Variants in TMEM144 observed in about 807,000 individuals in gnomAD.
TMEM144 encodes transmembrane protein 144.
TMEM144 carries 39 observed loss-of-function variants against 43.6 expected under a neutral mutation model. The ratio of observed to expected loss-of-function variants is 0.90; its 90% CI spans 0.69 to 1.17. TMEM144 has a LOEUF of 1.17. TMEM144 is among the 50% of genes most tolerant of loss of function. The pLI is 0.00. For synonymous variants in TMEM144, 154 were observed against 133.6 expected (o/e 1.15, Z -1.06); for missense variants, 417 against 411.9 (o/e 1.01, Z -0.11).
chr4:158,240,121 G>A (rs1735553377), intron 9 of TMEM144, among the ~76,000 whole-genome samples, 178 bp from the exon 10 acceptor site: 1 of 152,040 alleles, frequency 6.6e-6, no homozygotes, highest in Non-Finnish European at 1.5e-5. Flanking sequence ...TCCTGACCTC[G>A]TGATCCACCC....
chr4:158,246,134 T>C (rs1180501583), intron 12 of TMEM144, among the ~76,000 whole-genome samples: 1 of 152,150 alleles, frequency 6.6e-6, no homozygotes, highest in Non-Finnish European at 1.5e-5. Context: ...TGTTTAATCT[T>C]TTTTTAAAAA....
rs761614306 is a variant in TMEM144, at chr4:158,217,385, A to T, written c.297A>T (p.Gly99=). The T allele has an allele frequency of 7.2e-5, 116 of 1,613,288 alleles. 1 individual carries two copies. Among genetic ancestry groups the T allele is most frequent in the Middle Eastern group, 5.0e-4 (3 of 6,054 alleles). ...IGLGLGILIW[G]SFNALTGWAS... ...TAGGCCTTGGAATCTTAATCTGGGG[A>T]TCATTTAATGCCTTAACTGGCTGGG... is the stretch of plus-strand genomic sequence containing the variant. Residue 99 remains glycine, a synonymous_variant, in exon 5 of 13, where the codon GGA becomes GGT. Transcript: ENST00000296529.
At chr4:158,248,742 C>G (rs1736019014) in intron 12 of TMEM144, among the ~76,000 whole-genome samples, 1 of 152,158 alleles carries the variant, frequency 6.6e-6, no homozygotes, top group South Asian at 2.1e-4. Flanking sequence ...AGTTATATAT[C>G]TTAAAGCAGT....
At chr4:158,248,137 A>C (rs565821685) in intron 12 of TMEM144, among the ~76,000 whole-genome samples, 105 of 151,348 alleles carry the variant, frequency 6.9e-4, no homozygotes, top group African/African-American at 2.4e-3. Flanking sequence ...AAAAAAAAAA[A>C]AAAAAAAACC....
chr4:158,236,376 T>G lies in TMEM144; in HGVS notation c.563+871T>G, dbSNP rs568565465. Among the ~76,000 whole-genome samples, 45 of 152,234 alleles carry G rather than the reference T, an allele frequency of 3.0e-4. No homozygotes were observed. The South Asian group carries it at 9.1e-3, about 31-fold the overall frequency. Reference sequence around the variant, plus strand: ...TTTCAAACAAAAAATTTTTTCAAATTTTTTTTTCACAAAGCCTCCCCTTCA... The same window carrying G: ...TTTCAAACAAAAAATTTTTTCAAATGTTTTTTTCACAAAGCCTCCCCTTCA... On this transcript the variant is annotated intron_variant, in intron 8 of 12. Coordinates refer to ENST00000296529, the MANE Select transcript of TMEM144 (RefSeq NM_018342.5).
At chr4:158,217,055 G>A (rs1324003327) in intron 4 of TMEM144, among the ~76,000 whole-genome samples, 2 of 152,116 alleles carry the variant, frequency 1.3e-5, no homozygotes, top group African/African-American at 4.8e-5. Flanking sequence ...AGAGAGCTAT[G>A]CTAAGGGAGA....
At chr4:158,221,702 T>A (rs764834537) in intron 6 of TMEM144, among the ~76,000 whole-genome samples, 1 of 152,206 alleles carries the variant, frequency 6.6e-6, no homozygotes, top group Non-Finnish European at 1.5e-5. Flanking sequence ...CACAGCTTCA[T>A]CTATTATTTT....
At chr4:158,244,815 A>G (rs1393309976) in intron 12 of TMEM144, among the ~76,000 whole-genome samples, 1 of 152,226 alleles carries the variant, frequency 6.6e-6, no homozygotes, top group Non-Finnish European at 1.5e-5. Context: ...AGAATGTGAT[A>G]ATACCTAATT....
chr4:158,217,995 C>T lies in TMEM144; in HGVS notation c.332+575C>T, dbSNP rs147690595. On this transcript the variant is annotated intron_variant, in intron 5 of 12. Coordinates refer to ENST00000296529, the MANE Select transcript of TMEM144 (RefSeq NM_018342.5). ...ATTGTCTATGGCTATTTTTATGTTA[C>T]AGTGGCAGAGTTGAGCAGCAAGGGA... Among the ~76,000 whole-genome samples the T allele has an allele frequency of 5.2e-3, 788 of 152,270 alleles. 5 individuals are homozygous for T. The highest frequency in any genetic ancestry group is 9.6e-3 in the Non-Finnish European group (652 of 68,026).
chr4:158,244,331 C>T lies in TMEM144; in HGVS notation c.936C>T (p.Phe312=). The T allele has an allele frequency of 6.2e-7, 1 of 1,608,534 alleles. No homozygotes were observed. The highest frequency in any genetic ancestry group is 8.5e-7 in the Non-Finnish European group (1 of 1,177,142). ...PGFIAAMWGI[F]MFKEIKGLQN... Reference sequence around the variant, plus strand: ...TTATAGCTGCAATGTGGGGTATCTTCATGTTTAAGGAAATAAAGGTATGTA... The same window carrying T: ...TTATAGCTGCAATGTGGGGTATCTTTATGTTTAAGGAAATAAAGGTATGTA... Residue 312 remains phenylalanine, a synonymous_variant, in exon 12 of 13, where the codon TTC becomes TTT. Coordinates refer to ENST00000296529, the MANE Select transcript of TMEM144 (RefSeq NM_018342.5).
intron 11 of TMEM144, among the ~76,000 whole-genome samples, chr4:158,242,689 GA>G (rs1735689648): frequency 6.6e-6 from 1 of 151,996 alleles, no homozygotes; most frequent in Non-Finnish European, 1.5e-5. Flanking sequence ...AAGAAAGAAA[GA>G]AAAAAGTCAC....
chr4:158,237,217 G>A (rs1028181030), intron 8 of TMEM144: 2 of 243,788 alleles, frequency 8.2e-6, no homozygotes, highest in East Asian at 9.2e-5. Context: ...TATGTAGACT[G>A]TACAATATAA....
At chr4:158,226,689 AC>A (rs1734787691) in intron 6 of TMEM144, among the ~76,000 whole-genome samples, 2 of 152,150 alleles carry the variant, frequency 1.3e-5, no homozygotes, top group South Asian at 2.1e-4. Context: ...AAATTATACA[AC>A]ATTTCTTGCA....
chr4:158,250,011 T>C (rs766728247), intron 12 of TMEM144, among the ~76,000 whole-genome samples: 1 of 151,274 alleles, frequency 6.6e-6, no homozygotes, highest in Non-Finnish European at 1.5e-5. Flanking sequence ...TGGCTTCTGT[T>C]AGTGCTAAGG....
At position 158,215,239 on chromosome 4, in the gene TMEM144, T is replaced by A. The variant is rs763082962; in HGVS notation, c.158T>A (p.Leu53Ter). 4.1e-5 allele frequency: 66 copies of A among 1,613,812 alleles called. No individual in the cohort carries two copies. Among genetic ancestry groups the A allele is most frequent in the Middle Eastern group, 1.6e-4 (1 of 6,084 alleles). ...VLCAAIWLVA[L>*]VVNLILHCPK... Reference sequence around the variant, plus strand: ...TGTGCTGCCATATGGTTGGTTGCCTTGGTTGTCAATCTGATATTACATTGT... The same window carrying A: ...TGTGCTGCCATATGGTTGGTTGCCTAGGTTGTCAATCTGATATTACATTGT... The change falls in exon 4 of 13, where the codon TTG becomes TAG. Residue 53 changes from leucine (L) to a stop codon, truncating the protein, a stop_gained. Transcript: ENST00000296529. LOFTEE classifies it high-confidence loss of function.
In TMEM144 at chr4:158,253,482, C is replaced by T. The variant is rs929351476; in HGVS notation, c.993C>T (p.Cys331=). The T allele has an allele frequency of 1.5e-5, 24 of 1,613,616 alleles. No individual in the cohort carries two copies. Among genetic ancestry groups the T allele is most frequent in the Admixed American group, 1.3e-4 (8 of 59,966 alleles). Residue 331 remains cysteine, a synonymous_variant, in exon 13 of 13, where the codon TGC becomes TGT. Coordinates refer to ENST00000296529, the MANE Select transcript of TMEM144 (RefSeq NM_018342.5). ...QNYLLMILAF[C]IILTGALCTA... ...ACCTATTAATGATACTTGCATTTTG[C>T]ATCATCTTGACTGGAGCCTTATGCA...
intron 12 of TMEM144, among the ~76,000 whole-genome samples, chr4:158,252,994 T>C (rs1290580322): frequency 6.6e-6 from 1 of 152,114 alleles, no homozygotes; most frequent in Non-Finnish European, 1.5e-5. Flanking sequence ...ATAAAATTCC[T>C]TCTACCTGGA....
At chr4:158,226,271 G>A (rs529556986) in intron 6 of TMEM144, among the ~76,000 whole-genome samples, 3 of 152,220 alleles carry the variant, frequency 2.0e-5, no homozygotes, top group Admixed American at 6.5e-5. Flanking sequence ...ATAAAATCTT[G>A]TAGACATATT....
intron 6 of TMEM144, among the ~76,000 whole-genome samples, chr4:158,224,144 G>A (rs1468624670): frequency 6.6e-6 from 1 of 152,014 alleles, no homozygotes; most frequent in African/African-American, 2.4e-5. Flanking sequence ...GTTTTGATTT[G>A]CATTTCTCTA....
Sources: allele counts gnomAD v4.1 joint callset (sites outside exome capture counted in the v4.1 genomes callset), GRCh38; gene constraint gnomAD v4.1.1; transcripts MANE v1.5; gene names NCBI Gene and HGNC (gene_info 2026-07-23, HGNC 2026-07-21).